KIAA1328: variants seen among roughly 807,000 people sequenced by gnomAD.
KIAA1328 encodes the protein protein hinderin.
A neutral mutation model predicts 68.1 loss-of-function variants in KIAA1328; 52 were observed. The ratio of observed to expected loss-of-function variants is 0.76; its 90% CI spans 0.61 to 0.96. The LOEUF (loss-of-function observed/expected upper bound fraction) is 0.96, where lower values mean the gene tolerates loss of function less well. Ranked by LOEUF, KIAA1328 falls within the 40% of genes least tolerant of loss-of-function variation. The pLI, the probability that KIAA1328 is intolerant of heterozygous loss-of-function variation, is 0.00. For synonymous variants in KIAA1328, 232 were observed against 239.4 expected (o/e 0.97, Z 0.28); for missense variants, 641 against 677.6 (o/e 0.95, Z 0.60).
intron 7 of KIAA1328, among the ~76,000 whole-genome samples, chr18:37,098,761 T>A (rs879636560): frequency 2.0e-5 from 3 of 152,236 alleles, no homozygotes; most frequent in South Asian, 2.1e-4. Context: ...AGCCTGTTAT[T>A]TATCTATTAA....
At chr18:36,984,426 T>G (rs1431020385) in intron 6 of KIAA1328, among the ~76,000 whole-genome samples, 1 of 152,002 alleles carries the variant, frequency 6.6e-6, no homozygotes, top group Non-Finnish European at 1.5e-5. Context: ...GGATACAACA[T>G]CAGTGTATTA....
intron 9 of KIAA1328, among the ~76,000 whole-genome samples, chr18:37,208,095 C>T (rs2060249859): frequency 1.3e-5 from 2 of 152,160 alleles, no homozygotes; most frequent in Admixed American, 6.5e-5. Context: ...AGATGTGAGC[C>T]ACTGCACCTG....
rs118056792 is a variant in KIAA1328, at chr18:37,154,611, A to G, written c.1233-5589A>G. On this transcript the variant is annotated intron_variant, in intron 7 of 9. Transcript: ENST00000280020. The stretch of plus-strand genomic sequence containing the variant: ...CCATATGGTTGATGTATCCATTGCC[A>G]TAGCTAAAGAATTTCTGCGTTCCTC... Among the ~76,000 whole-genome samples, 29 of 152,234 alleles carry G rather than the reference A, an allele frequency of 1.9e-4. No individual in the cohort carries two copies. In the East Asian group the frequency reaches 5.6e-3, roughly 30 times the overall value.
chr18:36,856,938 T>TG (rs1169263300), intron 4 of KIAA1328, among the ~76,000 whole-genome samples: 2 of 152,172 alleles, frequency 1.3e-5, no homozygotes, highest in Non-Finnish European at 2.9e-5. Flanking sequence ...TGTTTTGTTA[T>TG]TTCAATGTCA....
chr18:36,907,655 T>C (rs1160954895), intron 5 of KIAA1328, among the ~76,000 whole-genome samples: 3 of 152,164 alleles, frequency 2.0e-5, no homozygotes, highest in Non-Finnish European at 4.4e-5. Context: ...TTACTGGATT[T>C]TATTAGTTAA....
At position 37,224,566 on chromosome 18, in the gene KIAA1328, A is replaced by G. The variant is rs1394450752; in HGVS notation, c.*2339A>G. On this transcript the variant is annotated 3_prime_UTR_variant, in exon 10 of 10. Transcript: ENST00000280020. ...ATGTCTTCATTATTAATTGAATAGT[A>G]CATGTTAACATTTTAATCTATTTAA... The G allele has an allele frequency of 1.0e-6, 1 of 966,544 alleles. No individual in the cohort carries two copies. The highest frequency in any genetic ancestry group is 1.8e-5 in the African/African-American group (1 of 56,882). The allele number at this position is 966,544 out of a possible 1,614,324, so 59.9% of individuals were successfully genotyped here.
At position 37,101,352 on chromosome 18, in the gene KIAA1328, G is replaced by A. The variant is rs531720547; in HGVS notation, c.1232+33807G>A. ...CTGATGGAGCTGAAAACCATGGCAC[G>A]AGAACTACATGATGAATGCACAAGC... On this transcript the variant is annotated intron_variant, in intron 7 of 9. Coordinates refer to ENST00000280020, the MANE Select transcript of KIAA1328 (RefSeq NM_020776.3). 5.3e-4 allele frequency among the ~76,000 whole-genome samples: 80 copies of A among 152,288 alleles called. 2 individuals carry two copies. The East Asian group carries it at 0.01, about 19-fold the overall frequency.
intron 7 of KIAA1328, among the ~76,000 whole-genome samples, chr18:37,102,915 A>G (rs1222579409): frequency 1.3e-5 from 2 of 152,188 alleles, no homozygotes; most frequent in Non-Finnish European, 2.9e-5. Context: ...AAAAGAAATC[A>G]AGAAAGTGAT....
intron 5 of KIAA1328, among the ~76,000 whole-genome samples, chr18:36,928,984 T>TTA (rs1324067334): frequency 1.3e-5 from 2 of 152,236 alleles, no homozygotes; most frequent in Admixed American, 6.5e-5. Context: ...ATCCAGCTTC[T>TTA]GATAAGGCTG....
chr18:37,037,216 C>A lies in KIAA1328; in HGVS notation c.577-29674C>A, dbSNP rs1032638684. ...CAAATGACTTTTCAGCTAATCGACTCTAAAAGGCCCATCTGAAATGAGATA... is the reference window on the plus strand; with the variant it reads ...CAAATGACTTTTCAGCTAATCGACTATAAAAGGCCCATCTGAAATGAGATA... On this transcript the variant is annotated intron_variant, in intron 6 of 9. Transcript: ENST00000280020. Among the ~76,000 whole-genome samples the A allele has an allele frequency of 2.6e-5, 4 of 152,228 alleles. No homozygotes were observed. The East Asian group carries it at 7.7e-4, about 29-fold the overall frequency.
intron 7 of KIAA1328, among the ~76,000 whole-genome samples, chr18:37,068,868 C>T (rs2056433177): frequency 6.6e-6 from 1 of 152,044 alleles, no homozygotes; most frequent in African/African-American, 2.4e-5. Context: ...TATCCCACCT[C>T]AGCCTCCCAA....
At chr18:36,947,121 G>A (rs950034346) in intron 5 of KIAA1328, among the ~76,000 whole-genome samples, 2 of 152,020 alleles carry the variant, frequency 1.3e-5, no homozygotes, top group African/African-American at 2.4e-5. Context: ...CCGAGATCAC[G>A]CCACTGCACT....
At chr18:36,860,337 A>C (rs1018041337) in intron 4 of KIAA1328, among the ~76,000 whole-genome samples, 1 of 152,128 alleles carries the variant, frequency 6.6e-6, no homozygotes, top group African/African-American at 2.4e-5. Flanking sequence ...TTTTTAACTC[A>C]TGAATTTCTG....
chr18:37,094,974 GA>G (rs1257085119), intron 7 of KIAA1328, among the ~76,000 whole-genome samples: 1 of 150,592 alleles, frequency 6.6e-6, no homozygotes, highest in African/African-American at 2.4e-5. Context: ...AACATCAAAA[GA>G]GAAAAACAAG....
chr18:37,058,364 G>T (rs918945860), intron 6 of KIAA1328, among the ~76,000 whole-genome samples: 1 of 152,114 alleles, frequency 6.6e-6, no homozygotes, highest in Admixed American at 6.5e-5. Context: ...AATGTTAGAT[G>T]AAAGAAGCCA....
intron 6 of KIAA1328, among the ~76,000 whole-genome samples, chr18:36,963,793 A>T (rs1260389465): frequency 6.6e-6 from 1 of 152,206 alleles, no homozygotes; most frequent in East Asian, 1.9e-4. Context: ...TCGTTGTTAT[A>T]TCATTCATCT....
chr18:36,966,610 T>C (rs1598845061), intron 6 of KIAA1328, among the ~76,000 whole-genome samples: 1 of 152,322 alleles, frequency 6.6e-6, no homozygotes. Context: ...AAAAAGGTGA[T>C]GGAACTAATA....
chr18:37,067,032 T>A lies in KIAA1328; in HGVS notation c.719T>A (p.Ile240Lys). The A allele has an allele frequency of 6.2e-7, 1 of 1,613,950 alleles. No individual in the cohort carries two copies. The highest frequency in any genetic ancestry group is 8.5e-7 in the Non-Finnish European group (1 of 1,179,868). The change falls in exon 7 of 10, where the codon ATA becomes AAA. Residue 240 changes from isoleucine (I) to lysine (K), a missense_variant. By Grantham distance (102) the Ile-to-Lys change is moderately radical. Coordinates refer to ENST00000280020, the MANE Select transcript of KIAA1328 (RefSeq NM_020776.3). Reference sequence around the variant, plus strand: ...CAGGATTCAGCTTCAGAATCCCTTATAGCATTTAGGAATAATTCTTTGAAA... The same window carrying A: ...CAGGATTCAGCTTCAGAATCCCTTAAAGCATTTAGGAATAATTCTTTGAAA... The part of the protein sequence containing the change: ...AVQDSASESL[I>K]AFRNNSLKPV...
Position 37,061,092 on chromosome 18 carries a change from G to A in KIAA1328, c.577-5798G>A, listed in dbSNP as rs564364755. Among the ~76,000 whole-genome samples, 9 of 152,288 alleles carry A rather than the reference G, an allele frequency of 5.9e-5. No homozygotes were observed. The East Asian group carries it at 7.7e-4, about 13-fold the overall frequency. Reference sequence around the variant, plus strand: ...ATCGTGCCACTGCACTCCAGCCTGGGCGACAGAGCAAGACTCCGTCTCAAA... The same window carrying A: ...ATCGTGCCACTGCACTCCAGCCTGGACGACAGAGCAAGACTCCGTCTCAAA... On this transcript the variant is annotated intron_variant, in intron 6 of 9. Coordinates refer to ENST00000280020, the MANE Select transcript of KIAA1328 (RefSeq NM_020776.3).
Sources: gnomAD v4.1 joint callset for allele counts (sites outside exome capture counted in the v4.1 genomes callset) on GRCh38, gnomAD v4.1.1 for gene constraint, MANE v1.5 for transcripts, NCBI Gene and HGNC (gene_info 2026-07-23, HGNC 2026-07-21) for gene names.